Variants in RIPOR3 observed in about 807,000 individuals in gnomAD.
RIPOR3 encodes RIPOR family member 3.
Under a neutral mutation model 114.3 loss-of-function variants are expected in RIPOR3, and 95 were observed. The observed-to-expected ratio is 0.83, with a 90% CI of 0.70 to 0.99. RIPOR3 has a LOEUF of 0.99. RIPOR3 is among the 50% of genes least tolerant of loss of function. The pLI is 0.00. For missense variants in RIPOR3, 1,252 were observed against 1,266.9 expected, an observed-to-expected ratio of 0.99 and a Z score of 0.18; for synonymous variants, 575 against 543.8, an observed-to-expected ratio of 1.06 and a Z score of -0.80.
chr20:50,600,102 C>T (rs1264776487), intron 13 of RIPOR3, among the ~76,000 whole-genome samples: 1 of 152,134 alleles, frequency 6.6e-6, no homozygotes, highest in Admixed American at 6.5e-5. Flanking sequence ...GGGGTTTTGC[C>T]ATGTTGGCCA....
At position 50,628,405 on chromosome 20, in the gene RIPOR3, A is replaced by G. The variant is rs543596021; in HGVS notation, c.122+2333T>C. On this transcript the variant is annotated intron_variant, in intron 2 of 21. Coordinates refer to ENST00000327979, the MANE Select transcript of RIPOR3 (RefSeq NM_001290268.2). ...CCTCCCTCCCTGACTGCTGTCACGCATGCCAGCCGCACACCTGCTTTCTGT... is the reference window on the plus strand; with the variant it reads ...CCTCCCTCCCTGACTGCTGTCACGCGTGCCAGCCGCACACCTGCTTTCTGT... Among the ~76,000 whole-genome samples, 29 of 152,144 alleles carry G rather than the reference A, an allele frequency of 1.9e-4. 1 individual carries two copies. In the South Asian group the frequency reaches 6.0e-3, roughly 32 times the overall value.
chr20:50,621,099 C>G, intron 2 of RIPOR3: 1 of 295,004 alleles, frequency 3.4e-6, no homozygotes, highest in Non-Finnish European at 6.4e-6. Context: ...TGCCCTCTCC[C>G]GGAAATATAG....
intron 16 of RIPOR3, 148 bp downstream of exon 16, chr20:50,595,221 T>C: frequency 9.9e-7 from 1 of 1,008,134 alleles, no homozygotes; most frequent in Admixed American, 2.1e-5. Flanking sequence ...ACAAAGAGTG[T>C]GTATCTCTGA....
Position 50,596,872 on chromosome 20 carries a change from A to G in RIPOR3, c.1791-609T>C, listed in dbSNP as rs6096018. On this transcript the variant is annotated intron_variant, in intron 14 of 21. Coordinates refer to ENST00000327979, the MANE Select transcript of RIPOR3 (RefSeq NM_001290268.2). ...AGGTGAGGCTGCGTAGCCTCGAGGGAAGCTGTCATGAGAGGTGTGGGCCCT... is the reference window on the plus strand; with the variant it reads ...AGGTGAGGCTGCGTAGCCTCGAGGGGAGCTGTCATGAGAGGTGTGGGCCCT... 1,082 of 156,804 alleles carry G rather than the reference A, an allele frequency of 6.9e-3. 12 individuals are homozygous for G. Among genetic ancestry groups the G allele is most frequent in the African/African-American group, 0.024 (1,012 of 41,614 alleles). The allele number at this position is 156,804 out of a possible 1,614,324, so 9.7% of individuals were successfully genotyped here. A position where few individuals can be genotyped will look rare whatever the true frequency, so the allele number is the denominator to read the frequency against.
Position 50,593,105 on chromosome 20 carries a change from CTG to C in RIPOR3, c.2302_2303del (p.Gln768ValfsTer12). ...LPEEQIITWF[Q>X]FHSYLQRQSV... Reference sequence around the variant, plus strand: ...TCTGCCTCTGCAGGTAGCTGTGAAACTGGAACCAGGTAATGATCTGTTCTTCT... The same window carrying C: ...TCTGCCTCTGCAGGTAGCTGTGAAACGAACCAGGTAATGATCTGTTCTTCT... On this transcript the variant is annotated frameshift_variant, in exon 18 of 22. Transcript: ENST00000327979. LOFTEE classifies it high-confidence loss of function. 1 of 1,614,144 alleles carries C rather than the reference CTG, an allele frequency of 6.2e-7. No homozygotes were observed. Among genetic ancestry groups the C allele is most frequent in the Non-Finnish European group, 8.5e-7 (1 of 1,180,046 alleles).
In RIPOR3 at chr20:50,595,378, T is replaced by A. The variant is rs781241619; in HGVS notation, c.2041A>T (p.Ile681Phe). The change falls in exon 16 of 22, where the codon ATT (isoleucine) becomes TTT (phenylalanine). Residue 681 changes from isoleucine to phenylalanine, a missense_variant. Ile to Phe is a conservative substitution (Grantham distance 21). Transcript: ENST00000327979. ...GCAGGCAGCTACTTACTCTCTTCAA[T>A]GGATGTTGCCTTGCCGACCTTCTCA... is the stretch of plus-strand genomic sequence containing the variant. ...DFEKVGKATS[I>F]EEIIPQASRT... The A allele has an allele frequency of 1.4e-5, 23 of 1,613,934 alleles. No individual in the cohort carries two copies. Among genetic ancestry groups the A allele is most frequent in the Non-Finnish European group, 1.9e-5 (23 of 1,179,888 alleles).
chr20:50,665,421 C>CTCTTTT lies in RIPOR3; in HGVS notation c.3+25704_3+25705insAAAAGA, dbSNP rs1292661549. 6.5e-5 allele frequency among the ~76,000 whole-genome samples: 7 copies of CTCTTTT among 107,848 alleles called. No homozygotes were observed. The South Asian group carries it at 2.4e-3, about 37-fold the overall frequency. 70.8% of individuals were successfully genotyped at this position (107,848 alleles called of 152,430 possible). The stretch of plus-strand genomic sequence containing the variant: ...TACCTTGGCTCAGAGCCCCCTCTTC[C>CTCTTTT]TTTTTTTTTTTTTTTTTGAGATGGA... On this transcript the variant is annotated intron_variant, in intron 1 of 21. Transcript: ENST00000327979.
intron 19 of RIPOR3, among the ~76,000 whole-genome samples, chr20:50,591,586 C>G (rs535391204): frequency 6.6e-6 from 1 of 152,328 alleles, no homozygotes; most frequent in Admixed American, 6.5e-5. Flanking sequence ...GAGATTTCCT[C>G]TCTAGTCTGG....
At chr20:50,597,897 G>A (rs1222926552) in intron 13 of RIPOR3, among the ~76,000 whole-genome samples, 187 bp from the exon 14 acceptor site, 2 of 152,230 alleles carry the variant, frequency 1.3e-5, no homozygotes, top group African/African-American at 2.4e-5. Flanking sequence ...ACCCCCCAAA[G>A]TCCCTCCTGA....
chr20:50,683,172 C>T (rs1600773603), intron 1 of RIPOR3, among the ~76,000 whole-genome samples: 1 of 152,126 alleles, frequency 6.6e-6, no homozygotes, highest in Admixed American at 6.5e-5. Context: ...ATTCTATCCA[C>T]AATTTTTAGA....
At chr20:50,601,172 G>A (rs1447515202) in intron 13 of RIPOR3, among the ~76,000 whole-genome samples, 2 of 151,450 alleles carry the variant, frequency 1.3e-5, no homozygotes, top group South Asian at 4.1e-4. Flanking sequence ...AGTGGCTCAC[G>A]CCTGTAATCC....
intron 1 of RIPOR3, among the ~76,000 whole-genome samples, chr20:50,671,427 C>T (rs1350367298): frequency 1.7e-4 from 1 of 5,734 alleles, no homozygotes; most frequent in African/African-American, 2.6e-4. Flanking sequence ...CACGCGCGCG[C>T]GCACACACAC....
intron 1 of RIPOR3, among the ~76,000 whole-genome samples, chr20:50,672,208 G>A (rs1280479124): frequency 6.6e-6 from 1 of 152,120 alleles, no homozygotes; most frequent in African/African-American, 2.4e-5. Context: ...GTCCCCCTAG[G>A]AAAGCCCCTC....
chr20:50,619,019 T>C (rs2084291690), intron 3 of RIPOR3, among the ~76,000 whole-genome samples: 1 of 152,176 alleles, frequency 6.6e-6, no homozygotes, highest in Non-Finnish European at 1.5e-5. Context: ...GAGACCAGCC[T>C]GGCCAACGTG....
intron 17 of RIPOR3, among the ~76,000 whole-genome samples, chr20:50,594,078 G>A (rs2083202906): frequency 1.3e-5 from 2 of 151,982 alleles, no homozygotes; most frequent in South Asian, 2.1e-4. Flanking sequence ...AGACCAGCCT[G>A]GCCAATATGG....
rs752427111 is a variant in RIPOR3, at chr20:50,602,373, G to A, written c.1358C>T (p.Pro453Leu). ...EEEAREDPLPPGLLPEMAHLS... is the reference protein window; with the variant it reads ...EEEAREDPLPLGLLPEMAHLS... Reference sequence around the variant, plus strand: ...GTGGGCCATCTCTGGCAGGAGACCTGGGGGCAGGGGGTCCTCCCGAGCCTC... The same window carrying A: ...GTGGGCCATCTCTGGCAGGAGACCTAGGGGCAGGGGGTCCTCCCGAGCCTC... The change falls in exon 13 of 22, where the codon CCA (proline) becomes CTA (leucine). Residue 453 changes from proline (P) to leucine (L), a missense_variant. Transcript: ENST00000327979. This position sits in a 1 kb window ranked among gnomAD's most constrained non-coding sequence, Gnocchi z 4.3. 6.2e-7 allele frequency: 1 copy of A among 1,613,314 alleles called. No individual in the cohort carries two copies.
intron 1 of RIPOR3, chr20:50,636,942 CCT>C: frequency 1.3e-5 from 13 of 982,658 alleles, no homozygotes; most frequent in Non-Finnish European, 1.6e-5. Flanking sequence ...ACTTAGGGCT[CCT>C]TTTTATCCAC....
intron 1 of RIPOR3, among the ~76,000 whole-genome samples, chr20:50,654,932 A>G (rs1003426887): frequency 1.6e-4 from 25 of 152,128 alleles, no homozygotes; most frequent in Non-Finnish European, 2.8e-4. Flanking sequence ...TTTAGTAGAG[A>G]TGGGGTTTCA....
In RIPOR3 at chr20:50,609,395, G is replaced by A. The variant is rs762198977; in HGVS notation, c.577-39C>T. On this transcript the variant is annotated intron_variant, in intron 7 of 21. Coordinates refer to ENST00000327979, the MANE Select transcript of RIPOR3 (RefSeq NM_001290268.2). ...GAGGTGGCTCAGCTGGCTGCCTGGGGCTAGGCCACGAGGGCCTCTAACCAT... is the reference window on the plus strand; with the variant it reads ...GAGGTGGCTCAGCTGGCTGCCTGGGACTAGGCCACGAGGGCCTCTAACCAT... 1.8e-4 allele frequency: 290 copies of A among 1,604,740 alleles called. 3 individuals carry two copies. The South Asian group carries it at 3.1e-3, about 17-fold the overall frequency.
Sources: allele counts gnomAD v4.1 joint callset (sites outside exome capture counted in the v4.1 genomes callset), GRCh38; gene constraint gnomAD v4.1.1; non-coding constraint Gnocchi (gnomAD v3.1); transcripts MANE v1.5; gene names NCBI Gene and HGNC (gene_info 2026-07-23, HGNC 2026-07-21).